Variants in WASF2 observed in about 807,000 individuals in gnomAD.
WASF2 encodes actin-binding protein WASF2.
Under a neutral mutation model 45.0 loss-of-function variants are expected in WASF2, and 14 were observed. The observed-to-expected ratio is 0.31, with a 90% confidence interval of 0.21 to 0.49. WASF2 has a LOEUF of 0.49. WASF2 is among the 20% of genes least tolerant of loss of function. The pLI, the probability that WASF2 is intolerant of heterozygous loss-of-function variation, is 0.99. For synonymous variants in WASF2, 200 were observed against 236.3 expected (o/e 0.85, Z 1.41); for missense variants, 439 against 636.1 (o/e 0.69, Z 3.33).
chr1:27,489,356 C>T (rs1334793269), intron 1 of WASF2, among the ~76,000 whole-genome samples: 35 of 127,064 alleles, frequency 2.8e-4, no homozygotes, highest in African/African-American at 1.0e-3. Context: ...GGTACACACA[C>T]ACACACACAC....
At chr1:27,481,723 C>CA (rs1209109179) in intron 1 of WASF2, among the ~76,000 whole-genome samples, 2 of 147,310 alleles carry the variant, frequency 1.4e-5, no homozygotes, top group Non-Finnish European at 3.0e-5. Flanking sequence ...GACTCCATCT[C>CA]AAAAAAAAGA....
chr1:27,428,665 G>T (rs1317070239), intron 2 of WASF2, 96 bp downstream of exon 2: 2 of 1,592,832 alleles, frequency 1.3e-6, no homozygotes, highest in East Asian at 2.2e-5. Context: ...AGGGAAGGCA[G>T]ATGGGGGAGA....
At chr1:27,449,586 G>A (rs901624213) in intron 1 of WASF2, among the ~76,000 whole-genome samples, 15 of 149,708 alleles carry the variant, frequency 1.0e-4, no homozygotes, top group Non-Finnish European at 1.9e-4. Context: ...GCAACAGAGC[G>A]AGACTCCATC....
intron 1 of WASF2, among the ~76,000 whole-genome samples, chr1:27,453,481 A>G (rs2017412886): frequency 6.6e-6 from 1 of 150,888 alleles, no homozygotes; most frequent in Admixed American, 6.6e-5. Context: ...AATCCCAGCT[A>G]CTCAGGAGGC....
intron 7 of WASF2, among the ~76,000 whole-genome samples, chr1:27,411,164 T>G (rs2016756137): frequency 6.6e-6 from 1 of 152,140 alleles, no homozygotes; most frequent in African/African-American, 2.4e-5. Flanking sequence ...GCTTTAGGTC[T>G]CCATCCGAGG....
intron 2 of WASF2, among the ~76,000 whole-genome samples, chr1:27,422,350 T>C (rs1414532845): frequency 6.6e-6 from 1 of 152,152 alleles, no homozygotes; most frequent in African/African-American, 2.4e-5. Flanking sequence ...CTGGGCGCAG[T>C]GGCTCATGCC....
rs113464710 is a variant in WASF2 at position 27,408,094 on chromosome 1, C to T, written c.*95G>A. 2.7e-6 allele frequency: 4 copies of T among 1,458,340 alleles called. No individual in the cohort carries two copies. The highest frequency in any genetic ancestry group is 1.4e-5 in the African/African-American group (1 of 70,354). 90.3% of individuals were successfully genotyped at this position (1,458,340 alleles called of 1,614,324 possible). On this transcript the variant is annotated 3_prime_UTR_variant, in exon 9 of 9. Transcript: ENST00000618852. ...TTTGGCCCCTTAAAATTACTTTTTT[C>T]CTCCCTTTTCTCCCCCTACGGGTCT...
rs2016636671 is a variant in WASF2 at position 27,404,551 on chromosome 1, CTACTACACATA to C, written c.*3627_*3637del. ...GAGTGCCTGTTTTCAAACGGCATCC[CTACTACACATA>C]TACCCCCCTTCCCTAAAATCTTGAT... On this transcript the variant is annotated 3_prime_UTR_variant, in exon 9 of 9. Transcript: ENST00000618852. The C allele has an allele frequency of 6.6e-6, 1 of 152,148 alleles. No individual in the cohort carries two copies. The allele number at this position is 152,148 out of a possible 1,614,324, so 9.4% of individuals were successfully genotyped here.
At chr1:27,472,428 G>C (rs1330580995) in intron 1 of WASF2, among the ~76,000 whole-genome samples, 1 of 151,344 alleles carries the variant, frequency 6.6e-6, no homozygotes, top group Non-Finnish European at 1.5e-5. Flanking sequence ...GAGCTCAGGA[G>C]TTCAGGACCA....
Position 27,414,704 on chromosome 1 carries a change from A to T in WASF2, c.668+129T>A. 1 of 1,230,820 alleles carries T rather than the reference A, an allele frequency of 8.1e-7. No homozygotes were observed. Among genetic ancestry groups the T allele is most frequent in the Non-Finnish European group, 1.1e-6 (1 of 888,478 alleles). 76.2% of individuals were successfully genotyped at this position (1,230,820 alleles called of 1,614,324 possible). ...TGGATGCACTTTAAAGTAGCTGATT[A>T]ACAGTGGTATTGATCTAAGCCACAG... On this transcript the variant is annotated intron_variant, in intron 6 of 8. Transcript: ENST00000618852. This position sits in a 1 kb window ranked among gnomAD's most constrained non-coding sequence, Gnocchi z 4.1.
At chr1:27,469,520 G>A (rs1188720348) in intron 1 of WASF2, among the ~76,000 whole-genome samples, 1 of 152,136 alleles carries the variant, frequency 6.6e-6, no homozygotes, top group Non-Finnish European at 1.5e-5. Context: ...TATTTATTGA[G>A]TAACTATTGA....
intron 1 of WASF2, among the ~76,000 whole-genome samples, chr1:27,474,424 C>G (rs2017737304): frequency 1.3e-5 from 2 of 151,916 alleles, no homozygotes; most frequent in Admixed American, 6.6e-5. Flanking sequence ...TCACTTGAGC[C>G]CAGGAGTTCA....
intron 1 of WASF2, among the ~76,000 whole-genome samples, chr1:27,458,309 A>C (rs1015495226): frequency 3.1e-4 from 2 of 6,526 alleles, no homozygotes; most frequent in Non-Finnish European, 8.1e-4. Context: ...CGAGATTCTT[A>C]AAAAAAAAAA....
At chr1:27,458,145 A>T (rs2017497992) in intron 1 of WASF2, among the ~76,000 whole-genome samples, 1 of 151,638 alleles carries the variant, frequency 6.6e-6, no homozygotes, top group South Asian at 2.1e-4. Context: ...CTCTGTCGCT[A>T]CTAAAATACA....
At chr1:27,430,921 TACAG>T (rs1292589789) in intron 1 of WASF2, among the ~76,000 whole-genome samples, 28 of 151,866 alleles carry the variant, frequency 1.8e-4, no homozygotes, top group African/African-American at 6.8e-4. Flanking sequence ...AACTAAATAT[TACAG>T]ACATATTGTC....
At position 27,410,812 on chromosome 1, in the gene WASF2, G is replaced by C. The variant is rs1290852739; in HGVS notation, c.825-606C>G. ...TGAGAGAGAATGAATCTCAATCCGA[G>C]AATCTGCAGAGATGGGAAATGAATG... On this transcript the variant is annotated intron_variant, in intron 7 of 8. Transcript: ENST00000618852. The surrounding 1 kb of genome is among the most constrained non-coding windows in gnomAD (Gnocchi z 4.2). Among the ~76,000 whole-genome samples the C allele has an allele frequency of 6.6e-6, 1 of 152,162 alleles. No homozygotes were observed. The highest frequency in any genetic ancestry group is 2.4e-5 in the African/African-American group (1 of 41,438).
Position 27,409,925 on chromosome 1 carries a change from G to A in WASF2, c.1106C>T (p.Pro369Leu), listed in dbSNP as rs1291662600. Residue 369 changes from proline to leucine, a missense_variant, in exon 8 of 9, where the codon CCA (proline) becomes CTA (leucine). Transcript: ENST00000618852. ...PDFAAPPPPP[P>L]PPAADYPTLP... ...AGTTGGGTAGTCAGCTGCTGGTGGTGGAGGAGGAGGTGGAGGGGCAGCAAA... is the reference window on the plus strand; with the variant it reads ...AGTTGGGTAGTCAGCTGCTGGTGGTAGAGGAGGAGGTGGAGGGGCAGCAAA... 1 of 1,599,364 alleles carries A rather than the reference G, an allele frequency of 6.3e-7. No individual in the cohort carries two copies. Among genetic ancestry groups the A allele is most frequent in the South Asian group, 1.1e-5 (1 of 87,968 alleles).
At chr1:27,418,215 A>G in intron 4 of WASF2, 54 bp downstream of exon 4, 4 of 1,553,734 alleles carry the variant, frequency 2.6e-6, no homozygotes, top group Non-Finnish European at 3.5e-6. Flanking sequence ...ACAAAAAAAA[A>G]TCTAGCGTTA....
At chr1:27,436,364 G>T (rs1325590861) in intron 1 of WASF2, among the ~76,000 whole-genome samples, 1 of 152,068 alleles carries the variant, frequency 6.6e-6, no homozygotes, top group Non-Finnish European at 1.5e-5. Context: ...GAGGACTGAG[G>T]ATTGCTTGAG....
Sources: gnomAD v4.1 joint callset for allele counts (sites outside exome capture counted in the v4.1 genomes callset) on GRCh38, gnomAD v4.1.1 for gene constraint, Gnocchi (gnomAD v3.1) non-coding constraint, MANE v1.5 for transcripts, NCBI Gene and HGNC (gene_info 2026-07-23, HGNC 2026-07-21) for gene names.